The following MAST3 variants were observed in gnomAD, a reference collection of about 807,000 sequenced individuals.
MAST3 encodes microtubule-associated serine/threonine-protein kinase 3.
Under a neutral mutation model 127.0 loss-of-function variants are expected in MAST3, and 43 were observed. That is an observed-to-expected ratio of 0.34 (90% CI 0.27 to 0.44). The LOEUF (loss-of-function observed/expected upper bound fraction) is 0.44, where lower values mean the gene tolerates loss of function less well. Ranked by LOEUF, MAST3 falls within the 20% of genes least tolerant of loss-of-function variation. The probability of loss-of-function intolerance (pLI) is 1.00; values close to 1 mark genes in which losing one functional copy is unlikely to be tolerated. For missense variants in MAST3, 1,390 were observed against 1,919.1 expected, an observed-to-expected ratio of 0.72 and a Z score of 5.15; for synonymous variants, 785 against 809.2, an observed-to-expected ratio of 0.97 and a Z score of 0.51.
intron 1 of MAST3, among the ~76,000 whole-genome samples, chr19:18,103,676 G>GCTA (rs1319633977): frequency 6.6e-6 from 1 of 152,178 alleles, no homozygotes; most frequent in African/African-American, 2.4e-5. Context: ...CTCTGAGCTT[G>GCTA]CTACTCATTG....
chr19:18,144,546 G>T lies in MAST3; in HGVS notation c.2665G>T (p.Ala889Ser). Residue 889 changes from alanine (A) to serine (S), a missense_variant, in exon 23 of 28, where the codon GCC (alanine) becomes TCC (serine). Ala to Ser is a moderately conservative substitution (Grantham distance 99). Coordinates refer to ENST00000687212, the MANE Select transcript of MAST3 (RefSeq NM_001393504.1). This position sits in a 1 kb window ranked among gnomAD's most constrained non-coding sequence, Gnocchi z 4.0. The stretch of plus-strand genomic sequence containing the variant: ...ACACTCCACACCAAGGCCTCTGGAT[G>T]CCGGCCGGGGCCGCCGCCTTGGGGG... ...ARHSTPRPLD[A>S]GRGRRLGGPR... is the part of the protein sequence containing the mutation. The T allele has an allele frequency of 1.2e-6, 2 of 1,610,344 alleles. No individual in the cohort carries two copies. Among genetic ancestry groups the T allele is most frequent in the South Asian group, 2.2e-5 (2 of 90,948 alleles).
rs894818817 is a variant in MAST3, at chr19:18,149,957, C to T, written c.*231C>T. The T allele has an allele frequency of 1.0e-5, 5 of 479,072 alleles. No individual in the cohort carries two copies. The highest frequency in any genetic ancestry group is 1.8e-5 in the Non-Finnish European group (5 of 276,150). The allele number at this position is 479,072 out of a possible 1,614,324, so 29.7% of individuals were successfully genotyped here. A position where few individuals can be genotyped will look rare whatever the true frequency, so the allele number is the denominator to read the frequency against. ...GTGGCTTTGTAAATAGCAGCAAATC[C>T]CTGCAACTAATTTATTACTTTTTTT... On this transcript the variant is annotated 3_prime_UTR_variant, in exon 28 of 28. Coordinates refer to ENST00000687212, the MANE Select transcript of MAST3 (RefSeq NM_001393504.1). This position sits in a 1 kb window ranked among gnomAD's most constrained non-coding sequence, Gnocchi z 5.9.
chr19:18,113,706 C>T (rs1307282530), intron 3 of MAST3, among the ~76,000 whole-genome samples: 1 of 152,198 alleles, frequency 6.6e-6, no homozygotes, highest in Non-Finnish European at 1.5e-5. Flanking sequence ...AGGTGATCCA[C>T]CCGCCATGGC....
intron 18 of MAST3, among the ~76,000 whole-genome samples, chr19:18,136,098 C>A (rs2041867970): frequency 6.6e-6 from 1 of 152,192 alleles, no homozygotes; most frequent in Admixed American, 6.5e-5. Flanking sequence ...GCTGTAAAGT[C>A]ACCAGGACCT....
intron 3 of MAST3, among the ~76,000 whole-genome samples, chr19:18,113,238 G>GTTAT (rs151220527): frequency 5.9e-5 from 9 of 152,126 alleles, no homozygotes; most frequent in Non-Finnish European, 1.2e-4. Flanking sequence ...AAGCATCCTA[G>GTTAT]GAATAAGCTC....
chr19:18,122,175 C>G, intron 5 of MAST3: 1 of 964,588 alleles, frequency 1.0e-6, no homozygotes. Context: ...GGGATATAGC[C>G]CTAAGAATCA....
At chr19:18,146,690 C>T (rs1287463774) in intron 25 of MAST3, among the ~76,000 whole-genome samples, 191 bp from the exon 26 acceptor site, 2 of 152,076 alleles carry the variant, frequency 1.3e-5, no homozygotes, top group Non-Finnish European at 2.9e-5. Context: ...AGGATCTTAG[C>T]AGGAGGGGTG....
At position 18,150,605 on chromosome 19, in the gene MAST3, A is replaced by G. The variant is rs1463296806; in HGVS notation, c.*879A>G. On this transcript the variant is annotated 3_prime_UTR_variant, in exon 28 of 28. Transcript: ENST00000687212. ...AACAATTCCTCTCACCCACAAAACA[A>G]TGTAATCCCAGCGATGGACTGGATT... is the stretch of plus-strand genomic sequence containing the variant. 1.3e-5 allele frequency: 2 copies of G among 152,272 alleles called. No individual in the cohort carries two copies. Among genetic ancestry groups the G allele is most frequent in the African/African-American group, 4.8e-5 (2 of 41,466 alleles). 9.4% of individuals were successfully genotyped at this position (152,272 alleles called of 1,614,324 possible).
chr19:18,143,976 C>G lies in MAST3; in HGVS notation c.2553C>G (p.Thr851=). Residue 851 remains threonine, a synonymous_variant, in exon 22 of 28, where the codon ACC becomes ACG. Transcript: ENST00000687212. ...AGCCTGACCCCCCACCAGCGGCCAC[C>G]CCAGTGATGCCCAAGCCCTCGAGCC... is the stretch of plus-strand genomic sequence containing the variant. ...LGEPDPPPAA[T]PVMPKPSSLS... 6.3e-7 allele frequency: 1 copy of G among 1,584,374 alleles called. No individual in the cohort carries two copies.
At chr19:18,139,908 C>T (rs2042274272) in intron 20 of MAST3, among the ~76,000 whole-genome samples, 2 of 148,864 alleles carry the variant, frequency 1.3e-5, no homozygotes, top group East Asian at 2.0e-4. Context: ...CAAGCTCCGC[C>T]TCCCGGGTTC....
chr19:18,147,893 C>T (rs1003356777), intron 27 of MAST3, among the ~76,000 whole-genome samples: 1 of 152,170 alleles, frequency 6.6e-6, no homozygotes, highest in Non-Finnish European at 1.5e-5. Context: ...CGGAGGCTCA[C>T]GCCTGTAATC....
chr19:18,136,318 GA>G (rs1461026107), intron 18 of MAST3, among the ~76,000 whole-genome samples: 3 of 152,224 alleles, frequency 2.0e-5, no homozygotes, highest in African/African-American at 7.2e-5. Flanking sequence ...AGAAGCCCGG[GA>G]AGGAGGCCCT....
rs1319453181 is a variant in MAST3 at position 18,147,514 on chromosome 19, G to T, written c.3398G>T (p.Gly1133Val). 6.2e-7 allele frequency: 1 copy of T among 1,612,190 alleles called. No homozygotes were observed. Among genetic ancestry groups the T allele is most frequent in the East Asian group, 2.2e-5 (1 of 44,820 alleles). Reference sequence around the variant, plus strand: ...CACACCAGCCGCAGCTTCTCCTCCGGACTCCACCACTCACTGTCATCCAGT... The same window carrying T: ...CACACCAGCCGCAGCTTCTCCTCCGTACTCCACCACTCACTGTCATCCAGT... ...VLHTSRSFSS[G>V]LHHSLSSSES... Residue 1133 changes from glycine (G) to valine (V), a missense_variant, in exon 27 of 28, where the codon GGA (glycine) becomes GTA (valine). Physicochemically the swap from Gly to Val is moderately radical, Grantham distance 109. Around this residue, in one of 5 missense-constraint regions of MAST3, gnomAD observed 816 missense variants for 934.1 expected, o/e 0.87. Transcript: ENST00000687212.
rs754552450 is a variant in MAST3, at chr19:18,147,493, C to A, written c.3377C>A (p.Thr1126Asn). 1.2e-6 allele frequency: 2 copies of A among 1,613,268 alleles called. No homozygotes were observed. Among genetic ancestry groups the A allele is most frequent in the Non-Finnish European group, 1.7e-6 (2 of 1,179,626 alleles). The change falls in exon 27 of 28, where the codon ACC becomes AAC. Residue 1126 changes from threonine to asparagine, a missense_variant. Transcript: ENST00000687212. ...TCCAAGCAGACCTCCGTGCTGCACA[C>A]CAGCCGCAGCTTCTCCTCCGGACTC... ...KISKQTSVLH[T>N]SRSFSSGLHH...
At chr19:18,100,609 C>A (rs914560892) in intron 1 of MAST3, among the ~76,000 whole-genome samples, 1 of 152,230 alleles carries the variant, frequency 6.6e-6, no homozygotes, top group African/African-American at 2.4e-5. Flanking sequence ...ATTCTCCCAA[C>A]AGCCCGAGTG....
rs1391993604 is a variant in MAST3, at chr19:18,151,315, C to T, written c.*1589C>T. Reference sequence around the variant, plus strand: ...AGAAGGCTGGAGGTGGTGTCATCACCTCCATTTTACAGACAAAGCAGCTGA... The same window carrying T: ...AGAAGGCTGGAGGTGGTGTCATCACTTCCATTTTACAGACAAAGCAGCTGA... On this transcript the variant is annotated 3_prime_UTR_variant, in exon 28 of 28. Transcript: ENST00000687212. The T allele has an allele frequency of 6.6e-6, 1 of 152,180 alleles. No homozygotes were observed. The highest frequency in any genetic ancestry group is 2.4e-5 in the African/African-American group (1 of 41,450). 9.4% of individuals were successfully genotyped at this position (152,180 alleles called of 1,614,324 possible).
chr19:18,135,949 C>T (rs2041853262), intron 18 of MAST3, 108 bp downstream of exon 18: 1 of 787,230 alleles, frequency 1.3e-6, no homozygotes, highest in Non-Finnish European at 2.1e-6. Context: ...TGGGAAGCTG[C>T]ATGGAGGAGG....
rs377700282 is a variant in MAST3 at position 18,135,813 on chromosome 19, G to T, written c.1944G>T (p.Arg648=). 1.1e-5 allele frequency: 17 copies of T among 1,609,736 alleles called. No homozygotes were observed. Among genetic ancestry groups the T allele is most frequent in the Non-Finnish European group, 1.4e-5 (16 of 1,178,090 alleles). The change falls in exon 18 of 28, where the codon CGG becomes CGT. Residue 648 remains arginine (R), a synonymous_variant. Transcript: ENST00000687212. ...AGGACCTCATCACCAGGTTGCTCCG[G>T]CAGAGCCCGCTGGACCGTCTGGGCA... The part of the protein sequence containing the change: ...DAQDLITRLL[R]QSPLDRLGTG...
At chr19:18,104,179 C>CAAAAAAAAAAAAAAAAAAAAAA (rs56347763) in intron 1 of MAST3, among the ~76,000 whole-genome samples, 2 of 43,450 alleles carry the variant, frequency 4.6e-5, no homozygotes, top group African/African-American at 2.3e-4. Flanking sequence ...GACGCTGTCT[C>CAAAAAAAAAAAAAAAAAAAAAA]AAAAAAAAAA....
Sources: gnomAD v4.1 joint callset for allele counts (sites outside exome capture counted in the v4.1 genomes callset) on GRCh38, gnomAD v4.1.1 for gene constraint, gnomAD v4.1.1 regional missense constraint, Gnocchi (gnomAD v3.1) non-coding constraint, MANE v1.5 for transcripts, NCBI Gene and HGNC (gene_info 2026-07-23, HGNC 2026-07-21) for gene names.